The following AMBN variants were observed in gnomAD, a reference collection of about 807,000 sequenced individuals.
AMBN encodes the protein ameloblastin.
A neutral mutation model predicts 48.0 loss-of-function variants in AMBN; 54 were observed. The ratio of observed to expected loss-of-function variants is 1.12; its 90% CI spans 0.90 to 1.41. The LOEUF (loss-of-function observed/expected upper bound fraction) is 1.41. AMBN is among the 40% of genes most tolerant of loss of function. The probability of loss-of-function intolerance (pLI) is 0.00; values close to 1 mark genes in which losing one functional copy is unlikely to be tolerated. For synonymous variants in AMBN, 186 were observed against 190.0 expected, an observed-to-expected ratio of 0.98 and a Z score of 0.17; for missense variants, 571 against 547.3, an observed-to-expected ratio of 1.04 and a Z score of -0.43.
chr4:70,597,024 C>T lies in AMBN; in HGVS notation c.110C>T (p.Pro37Leu), dbSNP rs781488282. Reference protein sequence around the residue: ...VPFFPQQSGTPGMASLSLETM... With the variant: ...VPFFPQQSGTLGMASLSLETM... Reference sequence around the variant, plus strand: ...TTCTTTCCTCAGCAATCTGGAACACCGGGTATGGCTAGTTTGAGCCTTGAG... The same window carrying T: ...TTCTTTCCTCAGCAATCTGGAACACTGGGTATGGCTAGTTTGAGCCTTGAG... Residue 37 changes from proline to leucine, a missense_variant, in exon 3 of 13, where the codon CCG (proline) becomes CTG (leucine). Transcript: ENST00000322937. 1.1e-5 allele frequency: 18 copies of T among 1,613,204 alleles called. No individual in the cohort carries two copies. The Admixed American group carries it at 1.7e-4, about 15-fold the overall frequency.
chr4:70,592,275 C>T lies in AMBN; in HGVS notation c.-84C>T. ...CTGAATGAGAAGTACAGAGCAAGTC[C>T]CACGCACAGTCCTGAAAAAAATTTT... On this transcript the variant is annotated 5_prime_UTR_variant, in exon 1 of 13. Coordinates refer to ENST00000322937, the MANE Select transcript of AMBN (RefSeq NM_016519.6). 7.6e-7 allele frequency: 1 copy of T among 1,309,106 alleles called. No individual in the cohort carries two copies. The highest frequency in any genetic ancestry group is 1.1e-6 in the Non-Finnish European group (1 of 913,766). The allele number at this position is 1,309,106 out of a possible 1,614,324, so 81.1% of individuals were successfully genotyped here.
At chr4:70,596,640 T>C (rs994079843) in intron 2 of AMBN, among the ~76,000 whole-genome samples, 2 of 152,232 alleles carry the variant, frequency 1.3e-5, no homozygotes, top group Non-Finnish European at 2.9e-5. Context: ...CCTTTACTTT[T>C]TTCTGTGGTA....
Position 70,597,018 on chromosome 4 carries a change from G to C in AMBN, c.104G>C (p.Gly35Ala), listed in dbSNP as rs771316013. ...FAVPFFPQQS[G>A]TPGMASLSLE... ...ATTCAGTTCTTTCCTCAGCAATCTG[G>C]AACACCGGGTATGGCTAGTTTGAGC... The change falls in exon 3 of 13, where the codon GGA becomes GCA. Residue 35 changes from glycine to alanine, a missense_variant. Physicochemically the swap from Gly to Ala is moderately conservative, Grantham distance 60. Coordinates refer to ENST00000322937, the MANE Select transcript of AMBN (RefSeq NM_016519.6). 38 of 1,613,398 alleles carry C rather than the reference G, an allele frequency of 2.4e-5. No individual in the cohort carries two copies. In the East Asian group the frequency reaches 8.5e-4, roughly 36 times the overall value.
At chr4:70,603,645 C>T (rs185351363) in intron 11 of AMBN, among the ~76,000 whole-genome samples, 185 bp downstream of exon 11, 16 of 152,022 alleles carry the variant, frequency 1.1e-4, no homozygotes, top group African/African-American at 3.6e-4. Context: ...CACACACACA[C>T]ACACGCACAC....
At chr4:70,605,368 C>T (rs1274312194) in intron 12 of AMBN, among the ~76,000 whole-genome samples, 1 of 152,094 alleles carries the variant, frequency 6.6e-6, no homozygotes, top group Non-Finnish European at 1.5e-5. Flanking sequence ...TTATGAAAAA[C>T]ACACAATAAA....
At chr4:70,600,526 G>A (rs868044717) in intron 5 of AMBN, among the ~76,000 whole-genome samples, 1 of 152,302 alleles carries the variant, frequency 6.6e-6, no homozygotes, top group South Asian at 2.1e-4. Flanking sequence ...ATTTCAAAGT[G>A]CTGAATTGTG....
intron 1 of AMBN, 54 bp from the exon 2 acceptor site, chr4:70,593,273 C>T: frequency 4.9e-6 from 7 of 1,437,944 alleles, no homozygotes; most frequent in Non-Finnish European, 5.8e-6. Flanking sequence ...TGTCTTTTAA[C>T]CATTCTGAAT....
chr4:70,601,986 T>C, intron 6 of AMBN: 1 of 480,306 alleles, frequency 2.1e-6, no homozygotes, highest in South Asian at 1.6e-5. Context: ...TTTTTTGGTA[T>C]TGGAAAAACT....
In AMBN at chr4:70,602,679, A is replaced by AT; in HGVS notation, c.570+18dup. ...GGTCCATCAGTAAGTACAGATCTCA[A>AT]TGAGACACTTTCTGTATTTTATTTT... On this transcript the variant is annotated intron_variant, in intron 7 of 12. Transcript: ENST00000322937. 6.5e-7 allele frequency: 1 copy of AT among 1,529,360 alleles called. No individual in the cohort carries two copies. The highest frequency in any genetic ancestry group is 8.9e-7 in the Non-Finnish European group (1 of 1,120,714). The allele number at this position is 1,529,360 out of a possible 1,614,324, so 94.7% of individuals were successfully genotyped here.
intron 3 of AMBN, 71 bp from the exon 4 acceptor site, chr4:70,598,285 T>C: frequency 9.3e-7 from 1 of 1,080,968 alleles, no homozygotes; most frequent in Non-Finnish European, 1.3e-6. Context: ...TAATGTCAAA[T>C]ATCATGAGAA....
chr4:70,596,306 T>C (rs990909680), intron 2 of AMBN, among the ~76,000 whole-genome samples: 3 of 151,810 alleles, frequency 2.0e-5, no homozygotes, highest in Non-Finnish European at 4.4e-5. Context: ...GGAAAATATC[T>C]TACATTTTAA....
chr4:70,596,867 T>A lies in AMBN; in HGVS notation c.85-132T>A, dbSNP rs1737394235. 8.5e-6 allele frequency: 5 copies of A among 585,744 alleles called. No homozygotes were observed. In the East Asian group the frequency reaches 1.4e-4, roughly 17 times the overall value. 36.3% of individuals were successfully genotyped at this position (585,744 alleles called of 1,614,324 possible). The stretch of plus-strand genomic sequence containing the variant: ...TCTTCATTCTGCCCAAGCACTCAAG[T>A]CATTTGCATAATAAACCAAAATGGT... On this transcript the variant is annotated intron_variant, in intron 2 of 12. Coordinates refer to ENST00000322937, the MANE Select transcript of AMBN (RefSeq NM_016519.6).
Position 70,606,823 on chromosome 4 carries a change from T to C in AMBN, c.*93T>C. The C allele has an allele frequency of 1.5e-6, 2 of 1,365,726 alleles. No homozygotes were observed. Among genetic ancestry groups the C allele is most frequent in the South Asian group, 2.9e-5 (2 of 69,260 alleles). The allele number at this position is 1,365,726 out of a possible 1,614,324, so 84.6% of individuals were successfully genotyped here. A position where few individuals can be genotyped will look rare whatever the true frequency, so the allele number is the denominator to read the frequency against. On this transcript the variant is annotated 3_prime_UTR_variant, in exon 13 of 13. Coordinates refer to ENST00000322937, the MANE Select transcript of AMBN (RefSeq NM_016519.6). Reference sequence around the variant, plus strand: ...TTTGCTAAAACACTTATTACCCTTCTGCAGCAAAGGCATTAAAAGCGCTAA... The same window carrying C: ...TTTGCTAAAACACTTATTACCCTTCCGCAGCAAAGGCATTAAAAGCGCTAA...
Position 70,606,706 on chromosome 4 carries a change from C to T in AMBN, c.1320C>T (p.Asp440=), listed in dbSNP as rs774799244. The part of the protein sequence containing the change: ...NKAQEPEMMH[D]AWHFQEP ...CCCAGGAGCCCGAGATGATGCATGACGCATGGCATTTCCAAGAGCCCTGAC... is the reference window on the plus strand; with the variant it reads ...CCCAGGAGCCCGAGATGATGCATGATGCATGGCATTTCCAAGAGCCCTGAC... Residue 440 remains aspartate, a synonymous_variant, in exon 13 of 13, where the codon GAC becomes GAT. Transcript: ENST00000322937. The T allele has an allele frequency of 1.1e-5, 18 of 1,612,870 alleles. No individual in the cohort carries two copies. Among genetic ancestry groups the T allele is most frequent in the Middle Eastern group, 1.6e-4 (1 of 6,076 alleles).
At chr4:70,595,548 G>C (rs1737368340) in intron 2 of AMBN, among the ~76,000 whole-genome samples, 1 of 151,978 alleles carries the variant, frequency 6.6e-6, no homozygotes, top group South Asian at 2.1e-4. Context: ...CCAGAAGGTG[G>C]GATTTTACTT....
At chr4:70,601,335 C>T in intron 5 of AMBN, 83 bp from the exon 6 acceptor site, 3 of 1,413,960 alleles carry the variant, frequency 2.1e-6, no homozygotes, top group Non-Finnish European at 2.9e-6. Flanking sequence ...AGAAAGCGCC[C>T]CAAGCCCCTT....
chr4:70,603,049 C>T (rs754334834), intron 9 of AMBN, 39 bp downstream of exon 9: 3 of 1,573,598 alleles, frequency 1.9e-6, no homozygotes, highest in East Asian at 4.5e-5. Flanking sequence ...CTTGCAAAAA[C>T]TGTCTCTATA....
rs1737665923 is a variant in AMBN at position 70,606,708 on chromosome 4, C to G, written c.1322C>G (p.Ala441Gly). Residue 441 changes from alanine (A) to glycine (G), a missense_variant, in exon 13 of 13, where the codon GCA becomes GGA. Ala to Gly is a moderately conservative substitution (Grantham distance 60, BLOSUM62 0). Transcript: ENST00000322937. The stretch of plus-strand genomic sequence containing the variant: ...CAGGAGCCCGAGATGATGCATGACG[C>G]ATGGCATTTCCAAGAGCCCTGACAG... ...KAQEPEMMHD[A>G]WHFQEP 4 of 1,612,720 alleles carry G rather than the reference C, an allele frequency of 2.5e-6. No individual in the cohort carries two copies. The Admixed American group carries it at 5.0e-5, about 20-fold the overall frequency.
At chr4:70,593,904 C>A (rs1443640114) in intron 2 of AMBN, among the ~76,000 whole-genome samples, 4 of 148,984 alleles carry the variant, frequency 2.7e-5, no homozygotes. Flanking sequence ...TATGATATTT[C>A]TACTAAAAAG....
Sources: gnomAD v4.1 joint callset for allele counts (sites outside exome capture counted in the v4.1 genomes callset) on GRCh38, gnomAD v4.1.1 for gene constraint, MANE v1.5 for transcripts, NCBI Gene and HGNC (gene_info 2026-07-23, HGNC 2026-07-21) for gene names.